The following RAD17 variants were observed in gnomAD, a reference collection of about 807,000 sequenced individuals.
RAD17 encodes RAD17 checkpoint clamp loader component.
Under a neutral mutation model 81.5 loss-of-function variants are expected in RAD17, and 31 were observed. That is an observed-to-expected ratio of 0.38 (90% CI 0.29 to 0.51). The LOEUF is 0.51. RAD17 is among the 20% of genes least tolerant of loss of function. RAD17 has a pLI of 0.88. For missense variants in RAD17, 681 were observed against 781.2 expected, an observed-to-expected ratio of 0.87 and a Z score of 1.53; for synonymous variants, 261 against 266.2, an observed-to-expected ratio of 0.98 and a Z score of 0.19.
At chr5:69,385,176 G>A (rs1015206391) in intron 8 of RAD17, among the ~76,000 whole-genome samples, 2 of 151,414 alleles carry the variant, frequency 1.3e-5, no homozygotes, top group Non-Finnish European at 2.9e-5. Flanking sequence ...TAGCCAGGAT[G>A]GTCTCGATCT....
At chr5:69,402,003 C>CA (rs1173414879) in intron 17 of RAD17, among the ~76,000 whole-genome samples, 2,926 of 44,428 alleles carry the variant, frequency 0.066, 417 homozygotes, top group East Asian at 0.41. Flanking sequence ...GACTCTGTCT[C>CA]AAAAAAAAAA....
rs59258478 is a variant in RAD17, at chr5:69,371,436, T to TCCC, written c.-279-5_-279-3dup. 1 of 282,842 alleles carries TCCC rather than the reference T, an allele frequency of 3.5e-6. No homozygotes were observed. The highest frequency in any genetic ancestry group is 3.4e-5 in the African/African-American group (1 of 29,834). 17.5% of individuals were successfully genotyped at this position (282,842 alleles called of 1,614,324 possible). The stretch of plus-strand genomic sequence containing the variant: ...AGTTTTTCTTCATTTGAGGGCTTCT[T>TCCC]CCCCCCCCCCCCCCCAGGTGAATTA... On this transcript the variant is annotated splice_polypyrimidine_tract_variant and intron_variant, in intron 2 of 18. Transcript: ENST00000354868.
In RAD17 at chr5:69,371,051, A is replaced by G. The variant is rs1762940034; in HGVS notation, c.-400A>G. The stretch of plus-strand genomic sequence containing the variant: ...CGTCCACAGCAAGTGAATTCATGGT[A>G]TTTTACTTTTTTGGGAAATACTGGA... On this transcript the variant is annotated 5_prime_UTR_variant, in exon 2 of 19. Coordinates refer to ENST00000354868, the MANE Select transcript of RAD17 (RefSeq NM_133338.3). 4 of 385,632 alleles carry G rather than the reference A, an allele frequency of 1.0e-5. No homozygotes were observed. In the Admixed American group the frequency reaches 1.3e-4, roughly 12 times the overall value. 23.9% of individuals were successfully genotyped at this position (385,632 alleles called of 1,614,324 possible).
At chr5:69,398,548 T>C (rs1765044452) in intron 16 of RAD17, among the ~76,000 whole-genome samples, 1 of 152,114 alleles carries the variant, frequency 6.6e-6, no homozygotes, top group Non-Finnish European at 1.5e-5. Context: ...GACTCACACC[T>C]GTAATCCCAG....
At chr5:69,369,597 C>A (rs1248685417), upstream of RAD17, 17 of 1,590,876 alleles carry the variant, frequency 1.1e-5, no homozygotes, top group South Asian at 1.5e-4. Context: ...CCAAAGGCCC[C>A]GAAGCCCACC....
intron 15 of RAD17, among the ~76,000 whole-genome samples, chr5:69,395,944 C>T (rs926100028): frequency 1.3e-5 from 2 of 152,166 alleles, no homozygotes; most frequent in East Asian, 1.9e-4. Flanking sequence ...ATATAACTGG[C>T]CTCTCAAAGT....
At chr5:69,406,443 C>G (rs572900650) in intron 17 of RAD17, among the ~76,000 whole-genome samples, 4 of 152,106 alleles carry the variant, frequency 2.6e-5, no homozygotes, top group African/African-American at 9.6e-5. Flanking sequence ...GGAATAAATT[C>G]AAGAATTCTA....
chr5:69,411,880 G>T (rs1450422224), intron 18 of RAD17, among the ~76,000 whole-genome samples: 1 of 152,156 alleles, frequency 6.6e-6, no homozygotes, highest in Non-Finnish European at 1.5e-5. Flanking sequence ...TTTACACAAG[G>T]CTAAATTGAA....
rs541872244 is a variant in RAD17, at chr5:69,385,192, C to A, written c.645+259C>A. Among the ~76,000 whole-genome samples, 7 of 151,570 alleles carry A rather than the reference C, an allele frequency of 4.6e-5. No individual in the cohort carries two copies. In the East Asian group the frequency reaches 9.7e-4, roughly 21 times the overall value. On this transcript the variant is annotated intron_variant, in intron 8 of 18. Transcript: ENST00000354868. ...AGCCAGGATGGTCTCGATCTCCTGA[C>A]CTCATGATATGCCCACCGTGGCCTC...
rs1443367055 is a variant in RAD17 at position 69,414,578 on chromosome 5, G to T, written c.*286G>T. On this transcript the variant is annotated 3_prime_UTR_variant, in exon 19 of 19. Transcript: ENST00000354868. ...GTTTGAACATTATGCCAAATATCAA[G>T]ATGTGAAGGACTAATTCAGGATGCA... is the stretch of plus-strand genomic sequence containing the variant. 2.3e-6 allele frequency: 1 copy of T among 436,390 alleles called. No homozygotes were observed. Among genetic ancestry groups the T allele is most frequent in the Non-Finnish European group, 4.1e-6 (1 of 245,420 alleles). 27.0% of individuals were successfully genotyped at this position (436,390 alleles called of 1,614,324 possible).
chr5:69,390,967 G>T (rs1234307909), intron 12 of RAD17, among the ~76,000 whole-genome samples: 1 of 146,926 alleles, frequency 6.8e-6, no homozygotes, highest in African/African-American at 2.5e-5. Context: ...AAAAAAAAAG[G>T]CCGGGCATGG....
intron 13 of RAD17, 146 bp from the exon 14 acceptor site, chr5:69,393,009 A>C (rs570596157): frequency 5.5e-6 from 3 of 545,146 alleles, no homozygotes; most frequent in African/African-American, 2.0e-5. Flanking sequence ...GCTTGCTTCC[A>C]GTTGTTTTTT....
In RAD17 at chr5:69,407,700, C is replaced by A. The variant is rs572532031; in HGVS notation, c.1694-2793C>A. Reference sequence around the variant, plus strand: ...CAAGCAATTCTCCTGCCTCAACCCCCTGAGTAGCTGGGAATACAGGCATGT... The same window carrying A: ...CAAGCAATTCTCCTGCCTCAACCCCATGAGTAGCTGGGAATACAGGCATGT... On this transcript the variant is annotated intron_variant, in intron 17 of 18. Transcript: ENST00000354868. Among the ~76,000 whole-genome samples, 6 of 151,610 alleles carry A rather than the reference C, an allele frequency of 4.0e-5. No homozygotes were observed. The East Asian group carries it at 1.2e-3, about 30-fold the overall frequency.
At chr5:69,386,132 A>T in intron 9 of RAD17, 37 bp downstream of exon 9, 2 of 1,600,420 alleles carry the variant, frequency 1.2e-6, no homozygotes, top group Non-Finnish European at 1.7e-6. Flanking sequence ...CTCCAAATTA[A>T]ATGAGAAGTG....
chr5:69,412,746 T>G lies in RAD17; in HGVS notation c.1752-1285T>G, dbSNP rs183804259. Among the ~76,000 whole-genome samples the G allele has an allele frequency of 1.1e-3, 169 of 152,208 alleles. 1 individual carries two copies. The highest frequency in any genetic ancestry group is 9.5e-3 in the East Asian group (49 of 5,176). ...GCTCATGCTTGTAATCCCAGCACTT[T>G]GGGAGGCTGAGGTGGGTGGATCATC... On this transcript the variant is annotated intron_variant, in intron 18 of 18. Transcript: ENST00000354868.
intron 4 of RAD17, among the ~76,000 whole-genome samples, 156 bp from the exon 5 acceptor site, chr5:69,373,674 G>A (rs915573922): frequency 1.4e-5 from 2 of 139,590 alleles, no homozygotes; most frequent in African/African-American, 5.3e-5. Context: ...AGTGAGACCC[G>A]GTCTCAAAAA....
intron 17 of RAD17, among the ~76,000 whole-genome samples, chr5:69,406,099 C>G (rs1765586736): frequency 1.3e-5 from 2 of 152,066 alleles, no homozygotes; most frequent in South Asian, 2.1e-4. Flanking sequence ...TGCCCTCCCT[C>G]CCAGTTTTAT....
Position 69,374,057 on chromosome 5 carries a change from A to G in RAD17, c.237A>G (p.Pro79=), listed in dbSNP as rs749469537. 1.9e-6 allele frequency: 3 copies of G among 1,609,836 alleles called. No homozygotes were observed. Among genetic ancestry groups the G allele is most frequent in the South Asian group, 1.1e-5 (1 of 90,588 alleles). The stretch of plus-strand genomic sequence containing the variant: ...AAGAATATCTGTCTGAAAATGAACC[A>G]TGGGTGGATAAATATAAACCAGAAA... ...NSKEYLSENE[P]WVDKYKPETQ... is the part of the protein sequence containing the mutation. The change falls in exon 5 of 19, where the codon CCA becomes CCG. Residue 79 remains proline, a synonymous_variant. Transcript: ENST00000354868.
intron 2 of RAD17, 29 bp downstream of exon 2, chr5:69,371,200 G>GTTTT: frequency 4.7e-6 from 2 of 428,348 alleles, no homozygotes; most frequent in Non-Finnish European, 8.8e-6. Context: ...TGGTTTTTTT[G>GTTTT]TTTTTTTTTT....
Sources: allele counts gnomAD v4.1 joint callset (sites outside exome capture counted in the v4.1 genomes callset), GRCh38; gene constraint gnomAD v4.1.1; transcripts MANE v1.5; gene names NCBI Gene and HGNC (gene_info 2026-07-23, HGNC 2026-07-21).